HTATSF1: variants seen among roughly 807,000 people sequenced by gnomAD.
HTATSF1 encodes HIV-1 Tat specific factor 1, also known as 17S U2 SnRNP complex component HTATSF1.
In HTATSF1, 6 loss-of-function variants were observed where a neutral mutation model predicts 46.1. That is an observed-to-expected ratio of 0.13 (90% CI 0.07 to 0.26). The LOEUF is 0.26. HTATSF1 is among the 10% of genes least tolerant of loss of function. The probability of loss-of-function intolerance (pLI) is 1.00; values close to 1 mark genes in which losing one functional copy is unlikely to be tolerated. For missense variants in HTATSF1, 452 were observed against 559.9 expected, an observed-to-expected ratio of 0.81 and a Z score of 1.94; for synonymous variants, 226 against 211.5, an observed-to-expected ratio of 1.07 and a Z score of -0.60.
intron 6 of HTATSF1, among the ~76,000 whole-genome samples, chrX:136,506,494 C>G (rs1377705339): frequency 3.6e-5 from 4 of 111,839 alleles, no homozygotes; most frequent in Admixed American, 1.9e-4. Flanking sequence ...GCCTGGCACA[C>G]AGTTGGCCCT....
intron 6 of HTATSF1, among the ~76,000 whole-genome samples, chrX:136,505,171 A>AGTTATACAGAAAGCAG (rs1380605361): frequency 8.9e-6 from 1 of 112,424 alleles, no homozygotes; most frequent in Non-Finnish European, 1.9e-5. Flanking sequence ...AGTGATAGCA[A>AGTTATACAGAAAGCAG]GTTATACAGA....
intron 5 of HTATSF1, among the ~76,000 whole-genome samples, chrX:136,503,364 A>G (rs755294463): frequency 4.7e-4 from 53 of 112,357 alleles, no homozygotes; most frequent in African/African-American, 1.7e-3. Context: ...TGTATGTAGT[A>G]TATACATAAT....
At position 136,500,201 on chromosome X, in the gene HTATSF1, G is replaced by A. The variant is rs1366631695; in HGVS notation, c.411G>A (p.Val137=). The change falls in exon 3 of 9, where the codon GTG becomes GTA. Residue 137 remains valine, a synonymous_variant. Transcript: ENST00000218364. ...AAGACAGAAATACAAATGTATACGT[G>A]TCTGGTATGTATAACTTTTTAAACA... ...VEEDRNTNVY[V]SGLPPDITVD... 4.6e-6 allele frequency: 5 copies of A among 1,084,876 alleles called. No homozygotes were observed. In the East Asian group the frequency reaches 1.5e-4, roughly 33 times the overall value. The allele number at this position is 1,084,876 out of a possible 1,213,427, so 89.4% of individuals were successfully genotyped here.
intron 7 of HTATSF1, among the ~76,000 whole-genome samples, chrX:136,509,674 C>T (rs1047628008): frequency 1.5e-4 from 17 of 112,327 alleles, no homozygotes; most frequent in African/African-American, 5.2e-4. Flanking sequence ...GGCAGGTTAG[C>T]ACTATTACAC....
chrX:136,497,953 AGATCCTT>A, intron 1 of HTATSF1, 83 bp downstream of exon 1: 34 of 780,802 alleles, frequency 4.4e-5, no homozygotes, highest in Non-Finnish European at 6.1e-5. Context: ...TGCTTTGCTG[AGATCCTT>A]GGTCCTTGGT....
intron 6 of HTATSF1, among the ~76,000 whole-genome samples, chrX:136,504,715 A>G (rs896855496): frequency 2.0e-4 from 23 of 112,297 alleles, no homozygotes; most frequent in Non-Finnish European, 3.9e-4. Flanking sequence ...AGCAGCAGCT[A>G]CTTGGTATGG....
In HTATSF1 at chrX:136,502,856, A is replaced by C; in HGVS notation, c.649A>C (p.Lys217Gln). 8.5e-7 allele frequency: 1 copy of C among 1,174,865 alleles called. No homozygotes were observed. Among genetic ancestry groups the C allele is most frequent in the Non-Finnish European group, 1.1e-6 (1 of 873,159 alleles). ...RGYKLHVEVA[K>Q]FQLKGEYDAS... Reference sequence around the variant, plus strand: ...CTACAAATTACATGTTGAGGTGGCAAAGTTTCAACTGAAGGGAGAATATGA... The same window carrying C: ...CTACAAATTACATGTTGAGGTGGCACAGTTTCAACTGAAGGGAGAATATGA... The change falls in exon 5 of 9, where the codon AAG (lysine) becomes CAG (glutamine). Residue 217 changes from lysine to glutamine, a missense_variant. Coordinates refer to ENST00000218364, the MANE Select transcript of HTATSF1 (RefSeq NM_014500.5).
chrX:136,500,602 A>G, intron 3 of HTATSF1, 62 bp from the exon 4 acceptor site: 1 of 738,412 alleles, frequency 1.4e-6, no homozygotes, highest in Non-Finnish European at 2.0e-6. Context: ...AATTGGTAGA[A>G]TGCTAAGTAA....
rs773513851 is a variant in HTATSF1 at position 136,509,045 on chromosome X, AGTT to A, written c.835-45_835-43del. ...AAGAAATTGGATTCTCAGGATTTAT[AGTT>A]AAAGAAGGGAGCAAACCCATTTTAA... is the stretch of plus-strand genomic sequence containing the variant. On this transcript the variant is annotated intron_variant, in intron 6 of 8. Transcript: ENST00000218364. 5.8e-6 allele frequency: 5 copies of A among 862,094 alleles called. No individual in the cohort carries two copies. In the South Asian group the frequency reaches 1.0e-4, roughly 18 times the overall value. 71.0% of individuals were successfully genotyped at this position (862,094 alleles called of 1,213,427 possible).
chrX:136,510,253 T>C (rs902167941), intron 8 of HTATSF1, 34 bp downstream of exon 8: 15 of 1,185,636 alleles, frequency 1.3e-5, no homozygotes, highest in Non-Finnish European at 1.7e-5. Flanking sequence ...GCACACACAT[T>C]GTTTCATTAC....
At chrX:136,505,072 T>G (rs1347054645) in intron 6 of HTATSF1, among the ~76,000 whole-genome samples, 3 of 112,347 alleles carry the variant, frequency 2.7e-5, no homozygotes, top group Non-Finnish European at 3.8e-5. Context: ...TGTTACATTC[T>G]GCCTGTATTC....
chrX:136,510,536 G>A (rs961999002), intron 8 of HTATSF1, among the ~76,000 whole-genome samples: 11 of 112,221 alleles, frequency 9.8e-5, no homozygotes, highest in Non-Finnish European at 2.1e-4. Flanking sequence ...TTTGTATGCT[G>A]TAAAGTATAG....
At chrX:136,499,922 C>G (rs1053770185) in intron 2 of HTATSF1, 144 bp downstream of exon 2, 1 of 494,392 alleles carries the variant, frequency 2.0e-6, no homozygotes, top group Non-Finnish European at 3.3e-6. Context: ...TATAAAGAAT[C>G]AAGATAAACT....
chrX:136,501,445 A>G (rs1454285163), intron 4 of HTATSF1, among the ~76,000 whole-genome samples: 2 of 112,452 alleles, frequency 1.8e-5, no homozygotes, highest in African/African-American at 6.5e-5. Flanking sequence ...TGAATGTGAG[A>G]AAAGAGAGAG....
At position 136,497,878 on chromosome X, in the gene HTATSF1, A is replaced by T; in HGVS notation, c.186+8A>T. Reference sequence around the variant, plus strand: ...AAGGCTTGGTTCCCCAAGGTAGGAGAGTGCCACGGGCGCCACTGCAGAGCG... The same window carrying T: ...AAGGCTTGGTTCCCCAAGGTAGGAGTGTGCCACGGGCGCCACTGCAGAGCG... On this transcript the variant is annotated splice_region_variant and intron_variant, in intron 1 of 8. Transcript: ENST00000218364. 1 of 1,139,307 alleles carries T rather than the reference A, an allele frequency of 8.8e-7. No homozygotes were observed. Among genetic ancestry groups the T allele is most frequent in the Non-Finnish European group, 1.2e-6 (1 of 850,695 alleles). The allele number at this position is 1,139,307 out of a possible 1,213,427, so 93.9% of individuals were successfully genotyped here.
At chrX:136,504,920 A>G (rs182429443) in intron 6 of HTATSF1, among the ~76,000 whole-genome samples, 164 of 112,437 alleles carry the variant, frequency 1.5e-3, no homozygotes, top group African/African-American at 4.9e-3. Flanking sequence ...GTAAAAGTGA[A>G]TAAGTACATC....
At chrX:136,505,697 C>G (rs1042816404) in intron 6 of HTATSF1, among the ~76,000 whole-genome samples, 1 of 111,553 alleles carries the variant, frequency 9.0e-6, no homozygotes, top group Admixed American at 9.5e-5. Flanking sequence ...GAGGCTGATT[C>G]AGGAGAATCA....
At chrX:136,502,331 G>A (rs1202675838) in intron 4 of HTATSF1, among the ~76,000 whole-genome samples, 1 of 111,739 alleles carries the variant, frequency 8.9e-6, no homozygotes, top group Non-Finnish European at 1.9e-5. Flanking sequence ...ATACACCTTA[G>A]AAATCATGCA....
rs2075714491 is a variant in HTATSF1, at chrX:136,500,734, T to A, written c.486T>A (p.Asp162Glu). The change falls in exon 4 of 9, where the codon GAT (aspartate) becomes GAA (glutamate). Residue 162 changes from aspartate to glutamate, a missense_variant. Transcript: ENST00000218364. ...CCAAGTTTGGCATTATTATGAGAGA[T>A]CCTCAGACAGAAGAATTTAAGGTCA... ...LMSKFGIIMR[D>E]PQTEEFKVKL... The A allele has an allele frequency of 1.8e-6, 2 of 1,134,289 alleles. No homozygotes were observed. The highest frequency in any genetic ancestry group is 2.4e-6 in the Non-Finnish European group (2 of 849,582). The allele number at this position is 1,134,289 out of a possible 1,213,427, so 93.5% of individuals were successfully genotyped here.
Sources: gnomAD v4.1 joint callset for allele counts (sites outside exome capture counted in the v4.1 genomes callset) on GRCh38, gnomAD v4.1.1 for gene constraint, MANE v1.5 for transcripts, NCBI Gene and HGNC (gene_info 2026-07-23, HGNC 2026-07-21) for gene names.